FGF14: variants seen among roughly 807,000 people sequenced by gnomAD.
FGF14 encodes the protein fibroblast growth factor 14, also known as fibroblast growth factor homologous factor 4.
Under a neutral mutation model 25.5 loss-of-function variants are expected in FGF14, and 5 were observed. That is an observed-to-expected ratio of 0.20 (90% CI 0.10 to 0.41). The LOEUF is 0.41. Ranked by LOEUF, FGF14 falls within the 10% of genes least tolerant of loss-of-function variation. The pLI, the probability that FGF14 is intolerant of heterozygous loss-of-function variation, is 1.00. For synonymous variants in FGF14, 138 were observed against 118.3 expected (o/e 1.17, Z -1.08); for missense variants, 222 against 320.1 (o/e 0.69, Z 2.34).
At chr13:101,786,378 C>G (rs1382666841) in intron 3 of FGF14, among the ~76,000 whole-genome samples, 3 of 152,090 alleles carry the variant, frequency 2.0e-5, no homozygotes, top group African/African-American at 7.2e-5. Context: ...TCTAGGGCTG[C>G]CATAACAAAA....
At chr13:101,852,315 TATC>T (rs2043893078) in intron 3 of FGF14, among the ~76,000 whole-genome samples, 1 of 152,082 alleles carries the variant, frequency 6.6e-6, no homozygotes, top group Non-Finnish European at 1.5e-5. Flanking sequence ...CATTAATACA[TATC>T]ATAATTCCTA....
At chr13:101,818,598 T>C (rs2041956934) in intron 3 of FGF14, among the ~76,000 whole-genome samples, 1 of 152,222 alleles carries the variant, frequency 6.6e-6, no homozygotes, top group Non-Finnish European at 1.5e-5. Context: ...CTATATGCTT[T>C]AGCATTTGGA....
At chr13:102,316,708 T>C (rs2056041273) in intron 1 of FGF14, among the ~76,000 whole-genome samples, 2 of 152,232 alleles carry the variant, frequency 1.3e-5, no homozygotes, top group Non-Finnish European at 2.9e-5. Context: ...ATGGTATTAT[T>C]GTAGGCTTTA....
chr13:101,871,152 T>C (rs1432679188), intron 2 of FGF14, among the ~76,000 whole-genome samples: 4 of 152,126 alleles, frequency 2.6e-5, no homozygotes, highest in African/African-American at 4.8e-5. Context: ...TATAATTTTA[T>C]TTCTCCACTC....
At chr13:101,790,549 C>A (rs1055785098) in intron 3 of FGF14, among the ~76,000 whole-genome samples, 1 of 151,798 alleles carries the variant, frequency 6.6e-6, no homozygotes, top group African/African-American at 2.4e-5. Context: ...TTGCTTTTAA[C>A]TATCTATGTG....
chr13:102,009,243 T>C (rs911956724), intron 1 of FGF14, among the ~76,000 whole-genome samples: 1 of 152,178 alleles, frequency 6.6e-6, no homozygotes, highest in African/African-American at 2.4e-5. Flanking sequence ...TATTTAGTAA[T>C]ACACTATAAA....
intron 3 of FGF14, among the ~76,000 whole-genome samples, chr13:101,862,032 G>T (rs899797886): frequency 1.3e-5 from 2 of 152,106 alleles, no homozygotes; most frequent in African/African-American, 4.8e-5. Flanking sequence ...AGGGGAAATA[G>T]GTGAATGTGT....
chr13:101,954,321 G>A (rs768972026), intron 1 of FGF14, among the ~76,000 whole-genome samples: 1 of 151,890 alleles, frequency 6.6e-6, no homozygotes, highest in Non-Finnish European at 1.5e-5. Context: ...GGCGGGGTGG[G>A]GGGGTGGTAA....
chr13:102,274,611 TATATATA>T (rs2053416100), intron 1 of FGF14, among the ~76,000 whole-genome samples: 1 of 152,104 alleles, frequency 6.6e-6, no homozygotes, highest in Non-Finnish European at 1.5e-5. Context: ...TTAACACTCA[TATATATA>T]ATATATTTTT....
intron 1 of FGF14, among the ~76,000 whole-genome samples, chr13:102,185,870 C>T (rs2048853492): frequency 1.3e-5 from 2 of 152,134 alleles, no homozygotes; most frequent in Admixed American, 1.3e-4. Flanking sequence ...GTGGAAGTGA[C>T]TGCGACGTTG....
At chr13:102,339,350 A>G (rs552334373) in intron 1 of FGF14, among the ~76,000 whole-genome samples, 1 of 152,298 alleles carries the variant, frequency 6.6e-6, no homozygotes, top group Non-Finnish European at 1.5e-5. Flanking sequence ...TAGAAAAGCC[A>G]TGAGTTCCAA....
At chr13:102,249,103 C>T (rs927842402) in intron 1 of FGF14, among the ~76,000 whole-genome samples, 11 of 152,028 alleles carry the variant, frequency 7.2e-5, no homozygotes, top group Admixed American at 5.2e-4. Context: ...AACCCGGAAA[C>T]GTGAATGGAG....
At chr13:101,751,415 G>T in intron 3 of FGF14, among the ~76,000 whole-genome samples, 1 of 152,086 alleles carries the variant, frequency 6.6e-6, no homozygotes, top group East Asian at 1.9e-4. Context: ...ACTCAGGGTG[G>T]AGGAGGATGT....
intron 1 of FGF14, among the ~76,000 whole-genome samples, chr13:102,004,639 G>C (rs535900222): frequency 1.3e-5 from 2 of 152,260 alleles, no homozygotes; most frequent in South Asian, 2.1e-4. Context: ...TATCTTGACT[G>C]AGTTGCCTTT....
chr13:102,361,055 T>C (rs1404391246), intron 1 of FGF14, among the ~76,000 whole-genome samples: 1 of 152,164 alleles, frequency 6.6e-6, no homozygotes, highest in African/African-American at 2.4e-5. Context: ...CATGTTAAGA[T>C]CTCCAGGTAA....
intron 1 of FGF14, among the ~76,000 whole-genome samples, chr13:101,899,338 T>C (rs1594651953): frequency 2.0e-5 from 3 of 151,888 alleles, no homozygotes; most frequent in Middle Eastern, 3.4e-3. Flanking sequence ...TAAATACATA[T>C]AGGAGTTAAC....
At chr13:102,341,320 G>T (rs952226790) in intron 1 of FGF14, among the ~76,000 whole-genome samples, 1 of 152,098 alleles carries the variant, frequency 6.6e-6, no homozygotes, top group Non-Finnish European at 1.5e-5. Flanking sequence ...CCATTATGAG[G>T]AGACAAATTT....
chr13:102,057,341 T>C (rs2042477083), intron 1 of FGF14, among the ~76,000 whole-genome samples: 1 of 152,214 alleles, frequency 6.6e-6, no homozygotes, highest in Non-Finnish European at 1.5e-5. Context: ...TTTGTCAGCA[T>C]AGGAAAGAAT....
At chr13:102,374,661 T>C (rs1594985856) in intron 1 of FGF14, among the ~76,000 whole-genome samples, 1 of 75,928 alleles carries the variant, frequency 1.3e-5, no homozygotes, top group Non-Finnish European at 2.7e-5. Context: ...TATATATATA[T>C]ATATATATAT....
Sources: allele counts gnomAD v4.1 joint callset (sites outside exome capture counted in the v4.1 genomes callset), GRCh38; gene constraint gnomAD v4.1.1; transcripts MANE v1.5; gene names NCBI Gene and HGNC (gene_info 2026-07-23, HGNC 2026-07-21).